The following GPC6 variants were observed in gnomAD, a reference collection of about 807,000 sequenced individuals.
GPC6 encodes glypican 6, also known as glypican-6.
Under a neutral mutation model 55.2 loss-of-function variants are expected in GPC6, and 14 were observed. The observed-to-expected ratio is 0.25, with a 90% CI of 0.17 to 0.40. The LOEUF is 0.40. Ranked by LOEUF, GPC6 falls within the 10% of genes least tolerant of loss-of-function variation. GPC6 has a pLI of 1.00. For synonymous variants in GPC6, 278 were observed against 259.6 expected, an observed-to-expected ratio of 1.07 and a Z score of -0.68; for missense variants, 641 against 708.5, an observed-to-expected ratio of 0.90 and a Z score of 1.08.
chr13:94,172,796 T>C (rs531509458), intron 4 of GPC6, among the ~76,000 whole-genome samples: 3 of 152,140 alleles, frequency 2.0e-5, no homozygotes, highest in Non-Finnish European at 4.4e-5. Context: ...AACATATATA[T>C]AGGCCTACGG....
intron 1 of GPC6, among the ~76,000 whole-genome samples, chr13:93,461,042 A>G (rs1369515622): frequency 1.3e-5 from 2 of 152,176 alleles, no homozygotes; most frequent in Non-Finnish European, 1.5e-5. Flanking sequence ...GTAAAACTTG[A>G]TGAATGAATC....
chr13:94,024,587 AG>A (rs1303524068), intron 3 of GPC6, among the ~76,000 whole-genome samples: 5 of 152,160 alleles, frequency 3.3e-5, no homozygotes, highest in Non-Finnish European at 5.9e-5. Context: ...TTATTTGACC[AG>A]GAAGGATATC....
At chr13:93,403,560 A>C (rs1876173277) in intron 1 of GPC6, among the ~76,000 whole-genome samples, 2 of 152,174 alleles carry the variant, frequency 1.3e-5, no homozygotes, top group Non-Finnish European at 1.5e-5. Flanking sequence ...TCTTTTGTAG[A>C]TATTTGGTTA....
In GPC6 at chr13:93,676,120, AAAAAAAATATATATATATAT is replaced by A. The variant is rs1297000809; in HGVS notation, c.319+130701_319+130720del. Among the ~76,000 whole-genome samples the A allele has an allele frequency of 2.2e-3, 29 of 13,306 alleles. 1 individual carries two copies. The highest frequency in any genetic ancestry group is 5.3e-3 in the African/African-American group (28 of 5,238). 8.7% of individuals were successfully genotyped at this position (13,306 alleles called of 152,430 possible). ...ACTGTTTCTACTAAAAAAAAAAAAAAAAAAAAATATATATATATATATATATATATATATATATATATATA... is the reference window on the plus strand; with the variant it reads ...ACTGTTTCTACTAAAAAAAAAAAAAAATATATATATATATATATATATATA... On this transcript the variant is annotated intron_variant, in intron 2 of 8. Coordinates refer to ENST00000377047, the MANE Select transcript of GPC6 (RefSeq NM_005708.5).
chr13:93,281,209 T>G (rs572818225), intron 1 of GPC6, among the ~76,000 whole-genome samples: 1 of 152,338 alleles, frequency 6.6e-6, no homozygotes. Context: ...CTTACCTGGA[T>G]AACAGATTAA....
intron 1 of GPC6, among the ~76,000 whole-genome samples, chr13:93,369,608 G>A (rs909889758): frequency 2.0e-5 from 3 of 152,124 alleles, no homozygotes; most frequent in African/African-American, 7.2e-5. Flanking sequence ...ACTCGTAGGT[G>A]ATAATCATGT....
chr13:93,278,500 T>C lies in GPC6; in HGVS notation c.160+50884T>C, dbSNP rs1363655422. ...TCCATAATTTTGACTACTTGAAATA[T>C]ATCATAAAGAAATATTCTTATAAGA... is the stretch of plus-strand genomic sequence containing the variant. On this transcript the variant is annotated intron_variant, in intron 1 of 8. Coordinates refer to ENST00000377047, the MANE Select transcript of GPC6 (RefSeq NM_005708.5). 2.0e-5 allele frequency among the ~76,000 whole-genome samples: 3 copies of C among 152,338 alleles called. No homozygotes were observed. The East Asian group carries it at 5.8e-4, about 29-fold the overall frequency.
At chr13:93,393,106 T>TGA (rs1875692521) in intron 1 of GPC6, among the ~76,000 whole-genome samples, 2 of 83,926 alleles carry the variant, frequency 2.4e-5, no homozygotes, top group African/African-American at 5.5e-5. Flanking sequence ...TATGTATATT[T>TGA]GATATATATA....
chr13:94,381,702 G>A (rs2139206695), intron 6 of GPC6, among the ~76,000 whole-genome samples: 1 of 152,248 alleles, frequency 6.6e-6, no homozygotes, highest in East Asian at 1.9e-4. Context: ...AAGCCAAAAT[G>A]AAATTAAATT....
intron 1 of GPC6, among the ~76,000 whole-genome samples, chr13:93,291,653 G>T (rs1244552760): frequency 1.3e-5 from 2 of 152,108 alleles, no homozygotes; most frequent in Non-Finnish European, 1.5e-5. Context: ...ATTTTACCAG[G>T]TCTGTTCACC....
chr13:93,996,210 A>T (rs1016821226), intron 3 of GPC6, among the ~76,000 whole-genome samples: 2 of 152,330 alleles, frequency 1.3e-5, no homozygotes, highest in East Asian at 3.9e-4. Flanking sequence ...TTGGAATAGT[A>T]TAATGGTGAT....
intron 4 of GPC6, among the ~76,000 whole-genome samples, chr13:94,202,753 C>T (rs1889792485): frequency 6.6e-6 from 1 of 152,090 alleles, no homozygotes; most frequent in African/African-American, 2.4e-5. Flanking sequence ...GTGATGGAGA[C>T]ATCTGTTCAG....
chr13:94,203,529 A>G (rs912618853), intron 4 of GPC6, among the ~76,000 whole-genome samples: 1 of 152,120 alleles, frequency 6.6e-6, no homozygotes, highest in Admixed American at 6.6e-5. Context: ...ATTCACCATA[A>G]TAAATATTAA....
Position 94,114,096 on chromosome 13 carries a change from CAAAAAAAAA to C in GPC6, c.877+86222_877+86230del, listed in dbSNP as rs10581935. On this transcript the variant is annotated intron_variant, in intron 4 of 8. Transcript: ENST00000377047. ...ACTAAGGTTTTTACCTTAGCTTTATCAAAAAAAAAAAAAAAAAAAAAAAAAAAAGCAAGA... is the reference window on the plus strand; with the variant it reads ...ACTAAGGTTTTTACCTTAGCTTTATCAAAAAAAAAAAAAAAAAAAGCAAGA... Among the ~76,000 whole-genome samples, 45 of 34,386 alleles carry C rather than the reference CAAAAAAAAA, an allele frequency of 1.3e-3. No individual in the cohort carries two copies. The East Asian group carries it at 0.039, about 30-fold the overall frequency. 22.6% of individuals were successfully genotyped at this position (34,386 alleles called of 152,430 possible).
intron 1 of GPC6, among the ~76,000 whole-genome samples, chr13:93,504,545 G>A (rs1434521338): frequency 6.8e-6 from 1 of 147,584 alleles, no homozygotes; most frequent in Non-Finnish European, 1.5e-5. Context: ...TGAAACCTGG[G>A]TCTTATTCAT....
intron 6 of GPC6, among the ~76,000 whole-genome samples, chr13:94,373,126 G>C (rs1200752291): frequency 6.6e-6 from 1 of 152,212 alleles, no homozygotes; most frequent in African/African-American, 2.4e-5. Flanking sequence ...AAACAGAACA[G>C]AAAAACTGGA....
At position 93,241,695 on chromosome 13, in the gene GPC6, A is replaced by C. The variant is rs533161000; in HGVS notation, c.160+14079A>C. ...CATTTTGGTTTAGATTTATTGCTAA[A>C]GAGTTAATGTGATCTTTTGAGGGCA... On this transcript the variant is annotated intron_variant, in intron 1 of 8. Coordinates refer to ENST00000377047, the MANE Select transcript of GPC6 (RefSeq NM_005708.5). Among the ~76,000 whole-genome samples the C allele has an allele frequency of 5.3e-5, 8 of 152,230 alleles. No individual in the cohort carries two copies. In the South Asian group the frequency reaches 6.2e-4, roughly 12 times the overall value.
chr13:93,507,061 C>CAAAAAAAAAAAAAAAAAAAAAAAAAAA (rs56368708), intron 1 of GPC6, among the ~76,000 whole-genome samples: 1 of 52,126 alleles, frequency 1.9e-5, no homozygotes, highest in Non-Finnish European at 3.1e-5. Flanking sequence ...GACTCCGTCT[C>CAAAAAAAAAAAAAAAAAAAAAAAAAAA]AAAAAAAAAA....
At chr13:93,526,275 G>T (rs528637785) in intron 1 of GPC6, among the ~76,000 whole-genome samples, 13 of 152,084 alleles carry the variant, frequency 8.5e-5, no homozygotes, top group African/African-American at 1.2e-4. Context: ...ACAGACCAAA[G>T]GTAATTCAGT....
Sources: gnomAD v4.1 joint callset for allele counts (sites outside exome capture counted in the v4.1 genomes callset) on GRCh38, gnomAD v4.1.1 for gene constraint, MANE v1.5 for transcripts, NCBI Gene and HGNC (gene_info 2026-07-23, HGNC 2026-07-21) for gene names.